GLG1: variants seen among roughly 807,000 people sequenced by gnomAD.
The protein encoded by GLG1 is Golgi apparatus protein 1.
In GLG1, 38 loss-of-function variants were observed where a neutral mutation model predicts 160.5. That is an observed-to-expected ratio of 0.24 (90% CI 0.18 to 0.31). GLG1 has a LOEUF of 0.31. GLG1 is among the 10% of genes least tolerant of loss of function. The pLI is 1.00. For synonymous variants in GLG1, 644 were observed against 543.4 expected (o/e 1.19, Z -2.57); for missense variants, 1,373 against 1,505.2 (o/e 0.91, Z 1.45).
At chr16:74,526,504 G>C (rs562921591) in intron 2 of GLG1, among the ~76,000 whole-genome samples, 2,626 of 145,722 alleles carry the variant, frequency 0.018, 33 homozygotes, top group Non-Finnish European at 0.027. Context: ...AGGTTGGATT[G>C]CTTGAGCCCA....
chr16:74,533,034 T>A (rs1436884981), intron 1 of GLG1, among the ~76,000 whole-genome samples: 3 of 152,180 alleles, frequency 2.0e-5, no homozygotes, highest in Admixed American at 1.3e-4. Flanking sequence ...TAAAATGAAC[T>A]TTCAGGCAGG....
At position 74,459,762 on chromosome 16, in the gene GLG1, C is replaced by T; in HGVS notation, c.3064G>A (p.Ala1022Thr). The change falls in exon 23 of 26, where the codon GCA (alanine) becomes ACA (threonine). Residue 1022 changes from alanine to threonine, a missense_variant. Coordinates refer to ENST00000422840, the MANE Select transcript of GLG1 (RefSeq NM_001145667.2). The part of the protein sequence containing the change: ...EISSLCAEEA[A>T]AQEQTGQVEE... ...ACCTGACCTGTCTGCTCTTGGGCTG[C>T]TGCTTCTTCAGCACATAGACTGGAG... 3.7e-6 allele frequency: 6 copies of T among 1,606,922 alleles called. No homozygotes were observed. Among genetic ancestry groups the T allele is most frequent in the Non-Finnish European group, 5.1e-6 (6 of 1,174,650 alleles).
Position 74,462,477 on chromosome 16 carries a change from G to T in GLG1, c.2934+11C>A. On this transcript the variant is annotated intron_variant, in intron 21 of 25. Coordinates refer to ENST00000422840, the MANE Select transcript of GLG1 (RefSeq NM_001145667.2). ...TAAATACACCTTTGTGGAGAGCCCA[G>T]GCCAGTTTACCTGGTCAGCATATCT... 1.9e-6 allele frequency: 3 copies of T among 1,611,698 alleles called. No homozygotes were observed. Among genetic ancestry groups the T allele is most frequent in the Non-Finnish European group, 2.5e-6 (3 of 1,177,812 alleles).
intron 23 of GLG1, among the ~76,000 whole-genome samples, chr16:74,458,719 T>A (rs2014660913): frequency 6.6e-6 from 1 of 152,254 alleles, no homozygotes. Context: ...AAAGGCACAT[T>A]TGTTTACAAA....
intron 1 of GLG1, among the ~76,000 whole-genome samples, chr16:74,542,767 A>G (rs1300585136): frequency 1.7e-5 from 2 of 119,190 alleles, no homozygotes; most frequent in Non-Finnish European, 3.7e-5. Context: ...GGAAGGAAGG[A>G]AGGAAGGAAG....
intron 1 of GLG1, among the ~76,000 whole-genome samples, chr16:74,594,805 T>A (rs984220914): frequency 3.3e-5 from 5 of 152,144 alleles, no homozygotes; most frequent in African/African-American, 1.2e-4. Flanking sequence ...AGTGGCACGA[T>A]CTCAAAATGT....
At chr16:74,543,779 T>C (rs528180756) in intron 1 of GLG1, among the ~76,000 whole-genome samples, 120 of 152,110 alleles carry the variant, frequency 7.9e-4, no homozygotes, top group African/African-American at 2.6e-3. Flanking sequence ...AATTAACTGA[T>C]TTTGAAAACA....
At chr16:74,513,498 C>A (rs2016879224) in intron 2 of GLG1, among the ~76,000 whole-genome samples, 1 of 152,150 alleles carries the variant, frequency 6.6e-6, no homozygotes, top group Admixed American at 6.5e-5. Flanking sequence ...GATACCCAGG[C>A]AAACAGGGTC....
chr16:74,507,003 A>AT lies in GLG1; in HGVS notation c.558+1835dup, dbSNP rs1369845403. Among the ~76,000 whole-genome samples, 14 of 152,252 alleles carry AT rather than the reference A, an allele frequency of 9.2e-5. 2 individuals are homozygous for AT. On this transcript the variant is annotated intron_variant, in intron 3 of 25. Coordinates refer to ENST00000422840, the MANE Select transcript of GLG1 (RefSeq NM_001145667.2). ...GGCAGGATTTAGCTCAATCCTGGAG[A>AT]TTAAGTTTGGTTTGTATTAATAGTT...
chr16:74,512,349 C>T (rs966169588), intron 2 of GLG1, among the ~76,000 whole-genome samples: 1 of 143,264 alleles, frequency 7.0e-6, no homozygotes, highest in Non-Finnish European at 1.6e-5. Flanking sequence ...CTGCAACCTC[C>T]GCCCCCCGGG....
At chr16:74,594,063 T>A (rs1056913926) in intron 1 of GLG1, among the ~76,000 whole-genome samples, 1 of 152,002 alleles carries the variant, frequency 6.6e-6, no homozygotes, top group African/African-American at 2.4e-5. Context: ...TGCGCCACCA[T>A]GTCTGGCTAA....
chr16:74,575,460 CACAAATA>C, intron 1 of GLG1, among the ~76,000 whole-genome samples: 1 of 152,132 alleles, frequency 6.6e-6, no homozygotes, highest in South Asian at 2.1e-4. Context: ...AATAAGACAT[CACAAATA>C]ACAAAATATT....
rs2014238621 is a variant in GLG1, at chr16:74,450,369, A to T, written c.*2798T>A. The T allele has an allele frequency of 6.6e-6, 1 of 152,210 alleles. No homozygotes were observed. Among genetic ancestry groups the T allele is most frequent in the African/African-American group, 2.4e-5 (1 of 41,442 alleles). The allele number at this position is 152,210 out of a possible 1,614,324, so 9.4% of individuals were successfully genotyped here. A position where few individuals can be genotyped will look rare whatever the true frequency, so the allele number is the denominator to read the frequency against. On this transcript the variant is annotated 3_prime_UTR_variant, in exon 26 of 26. Coordinates refer to ENST00000422840, the MANE Select transcript of GLG1 (RefSeq NM_001145667.2). Reference sequence around the variant, plus strand: ...TTTTGTTTTGCCAAATGAGGGACTTAATGAGTGCGGCCAGTTCAGACTTTG... The same window carrying T: ...TTTTGTTTTGCCAAATGAGGGACTTTATGAGTGCGGCCAGTTCAGACTTTG...
intron 4 of GLG1, among the ~76,000 whole-genome samples, chr16:74,497,095 AT>A (rs1480571059): frequency 3.9e-5 from 6 of 152,192 alleles, no homozygotes; most frequent in African/African-American, 1.4e-4. Flanking sequence ...CCTGGCCAAC[AT>A]GGTGAAGGCC....
At chr16:74,574,069 A>G (rs1332909247) in intron 1 of GLG1, among the ~76,000 whole-genome samples, 2 of 152,180 alleles carry the variant, frequency 1.3e-5, no homozygotes, top group Non-Finnish European at 2.9e-5. Flanking sequence ...GTGCACGCGC[A>G]CACATACACA....
At chr16:74,525,547 T>G (rs1472871045) in intron 2 of GLG1, among the ~76,000 whole-genome samples, 1 of 150,666 alleles carries the variant, frequency 6.6e-6, no homozygotes, top group Non-Finnish European at 1.5e-5. Context: ...CCTCCGGTAT[T>G]AACTTTCCAA....
intron 2 of GLG1, among the ~76,000 whole-genome samples, chr16:74,523,605 CTCT>C: frequency 6.6e-6 from 1 of 152,178 alleles, no homozygotes; most frequent in South Asian, 2.1e-4. Context: ...CTTCAAATTT[CTCT>C]TAATAATATT....
chr16:74,541,661 C>G (rs1292246055), intron 1 of GLG1, among the ~76,000 whole-genome samples: 7 of 152,194 alleles, frequency 4.6e-5, no homozygotes, highest in Admixed American at 4.6e-4. Flanking sequence ...CGACCACTAG[C>G]CTTTCATTCT....
intron 2 of GLG1, among the ~76,000 whole-genome samples, chr16:74,523,324 A>C (rs1344900859): frequency 2.0e-5 from 3 of 152,182 alleles, no homozygotes; most frequent in Admixed American, 6.5e-5. Flanking sequence ...TTATGTATGA[A>C]TCTGCTTCTA....
Sources: gnomAD v4.1 joint callset for allele counts (sites outside exome capture counted in the v4.1 genomes callset) on GRCh38, gnomAD v4.1.1 for gene constraint, MANE v1.5 for transcripts, NCBI Gene and HGNC (gene_info 2026-07-23, HGNC 2026-07-21) for gene names.